The following GARIN1B variants were observed in gnomAD, a reference collection of about 807,000 sequenced individuals.
GARIN1B encodes the protein golgi associated RAB2 interactor 1B.
the GARIN1B span, among the ~76,000 whole-genome samples, chr7:128,725,979 A>G: frequency 8.1e-4 from 123 of 152,346 alleles, no homozygotes; most frequent in African/African-American, 2.8e-3. Context: ...AAGAAGGGCC[A>G]GGCAGGTTAA....
chr7:128,718,946 G>A, the GARIN1B span: 2 of 1,614,194 alleles, frequency 1.2e-6, no homozygotes, highest in East Asian at 4.5e-5. Context: ...TGACCATCCT[G>A]AGACTGTCTT....
At chr7:128,723,422 GT>G in the GARIN1B span, 1 of 1,414,698 alleles carries the variant, frequency 7.1e-7, no homozygotes, top group South Asian at 1.3e-5. Flanking sequence ...TGAGCGCAGG[GT>G]TTTACGTGAC....
chr7:128,720,330 C>T, the GARIN1B span, among the ~76,000 whole-genome samples: 43 of 151,910 alleles, frequency 2.8e-4, no homozygotes, highest in Non-Finnish European at 3.2e-4. Context: ...TCCCAAGTAG[C>T]TGGGATTACA....
At chr7:128,719,165 A>G in the GARIN1B span, 6 of 1,455,136 alleles carry the variant, frequency 4.1e-6, no homozygotes, top group African/African-American at 4.2e-5. Context: ...TGAGTGCCCT[A>G]TGAAGGTGAT....
At chr7:128,714,068 A>G in the GARIN1B span, 3 of 1,535,722 alleles carry the variant, frequency 2.0e-6, no homozygotes, top group Non-Finnish European at 2.6e-6. Context: ...GCCAGGAGCT[A>G]TAACAGGTGC....
the GARIN1B span, chr7:128,723,487 T>G: frequency 3.2e-6 from 2 of 625,934 alleles, no homozygotes; most frequent in Admixed American, 6.5e-5. Flanking sequence ...TCAAGGCAGA[T>G]GGATTGCTTG....
chr7:128,719,744 G>A, the GARIN1B span, among the ~76,000 whole-genome samples: 2 of 127,922 alleles, frequency 1.6e-5, no homozygotes, highest in Non-Finnish European at 3.1e-5. Flanking sequence ...CTGGCCCCCA[G>A]GCTGGAGTGC....
At chr7:128,722,460 C>T in the GARIN1B span, among the ~76,000 whole-genome samples, 6 of 152,152 alleles carry the variant, frequency 3.9e-5, no homozygotes, top group South Asian at 2.1e-4. Context: ...AATTTTGCCC[C>T]GATGTAAAAA....
chr7:128,719,799 A>C, the GARIN1B span, among the ~76,000 whole-genome samples: 1 of 145,204 alleles, frequency 6.9e-6, no homozygotes, highest in Admixed American at 7.3e-5. Flanking sequence ...TCCCAGGCTC[A>C]AGTGATTCTC....
the GARIN1B span, chr7:128,726,669 G>T: frequency 4.5e-4 from 93 of 208,610 alleles, no homozygotes; most frequent in Middle Eastern, 7.2e-3. Context: ...TTTAATATGC[G>T]TCACACCCAT....
At chr7:128,715,741 C>A in the GARIN1B span, 9 of 1,470,556 alleles carry the variant, frequency 6.1e-6, no homozygotes, top group Non-Finnish European at 8.5e-6. Flanking sequence ...GAAACCTGTT[C>A]CCAAGATATG....
chr7:128,721,383 TG>T, the GARIN1B span, among the ~76,000 whole-genome samples: 1 of 152,328 alleles, frequency 6.6e-6, no homozygotes, highest in East Asian at 1.9e-4. Flanking sequence ...GAACTGTGTT[TG>T]TGTTTTCTTA....
At chr7:128,731,534 G>A in the GARIN1B span, 24 of 247,222 alleles carry the variant, frequency 9.7e-5, no homozygotes, top group Non-Finnish European at 1.6e-4. Flanking sequence ...AGGAGGACAA[G>A]AGAAGGGACA....
chr7:128,712,105 C>T, the GARIN1B span, among the ~76,000 whole-genome samples: 5 of 152,140 alleles, frequency 3.3e-5, no homozygotes, highest in Non-Finnish European at 5.9e-5. Context: ...AAGCTTTGCA[C>T]TGCTTATGCA....
chr7:128,713,004 A>C, the GARIN1B span, among the ~76,000 whole-genome samples: 6 of 152,132 alleles, frequency 3.9e-5, no homozygotes, highest in African/African-American at 9.7e-5. Context: ...CAAGTATTCT[A>C]TTACTAAAAA....
chr7:128,726,610 C>T, the GARIN1B span, among the ~76,000 whole-genome samples: 1 of 150,312 alleles, frequency 6.7e-6, no homozygotes, highest in South Asian at 2.1e-4. Context: ...CTGCTCCCCA[C>T]CTCCCACCCC....
chr7:128,712,424 T>C, the GARIN1B span, among the ~76,000 whole-genome samples: 2 of 152,316 alleles, frequency 1.3e-5, no homozygotes, highest in South Asian at 4.1e-4. Context: ...TCTCCAGAAC[T>C]TTTTCATCTT....
the GARIN1B span, among the ~76,000 whole-genome samples, chr7:128,716,573 C>A: frequency 7.1e-4 from 108 of 152,218 alleles, 2 homozygotes; most frequent in African/African-American, 2.4e-3. Flanking sequence ...TGCCAGGGAA[C>A]ATTTGACGAT....
the GARIN1B span, among the ~76,000 whole-genome samples, chr7:128,722,808 A>C: frequency 6.6e-6 from 1 of 152,194 alleles, no homozygotes; most frequent in African/African-American, 2.4e-5. Flanking sequence ...TGCCTCAAAA[A>C]AAAAACTCCA....
Sources: gnomAD v4.1 joint callset for allele counts (sites outside exome capture counted in the v4.1 genomes callset) on GRCh38, gnomAD v4.1.1 for gene constraint, MANE v1.5 for transcripts, NCBI Gene and HGNC (gene_info 2026-07-23, HGNC 2026-07-21) for gene names.